DTL: variants seen among roughly 807,000 people sequenced by gnomAD.
DTL encodes denticleless protein homolog.
DTL carries 46 observed loss-of-function variants against 87.0 expected under a neutral mutation model. The observed-to-expected ratio is 0.53, with a 90% CI of 0.42 to 0.68. The LOEUF is 0.68. Among genes scored for constraint, DTL ranks in the 30% least tolerant of loss-of-function variants. The pLI, the probability that DTL is intolerant of heterozygous loss-of-function variation, is 0.00. For synonymous variants in DTL, 308 were observed against 311.2 expected (o/e 0.99, Z 0.11); for missense variants, 737 against 869.4 (o/e 0.85, Z 1.91).
chr1:212,099,274 G>A (rs947040685), intron 13 of DTL, among the ~76,000 whole-genome samples: 1 of 151,950 alleles, frequency 6.6e-6, no homozygotes, highest in Non-Finnish European at 1.5e-5. Flanking sequence ...TCGCTGTCAG[G>A]CAGGCTGGAG....
chr1:212,062,942 CA>C lies in DTL; in HGVS notation c.525del (p.Asp176MetfsTer7). 1.2e-6 allele frequency: 2 copies of C among 1,611,356 alleles called. No homozygotes were observed. Among genetic ancestry groups the C allele is most frequent in the Non-Finnish European group, 1.7e-6 (2 of 1,177,832 alleles). ...NIMVWDTRCN[K>X]KDGFYRQVNQ... ...TTATGGTCTGGGATACCAGGTGCAA[CA>C]AAAAAGGTTATCTAGATCTATTTTA... On this transcript the variant is annotated frameshift_variant, in exon 6 of 15. Coordinates refer to ENST00000366991, the MANE Select transcript of DTL (RefSeq NM_016448.4). LOFTEE classifies it high-confidence loss of function.
intron 12 of DTL, among the ~76,000 whole-genome samples, chr1:212,079,412 G>A (rs1291950718): frequency 6.6e-6 from 1 of 152,002 alleles, no homozygotes; most frequent in Non-Finnish European, 1.5e-5. Context: ...TAGCAGGGCT[G>A]TTTACCTATA....
chr1:212,071,141 A>G (rs1299977876), intron 10 of DTL, among the ~76,000 whole-genome samples: 6 of 152,194 alleles, frequency 3.9e-5, no homozygotes, highest in Non-Finnish European at 8.8e-5. Context: ...TTTTCCTTTA[A>G]AGCTATAAAT....
chr1:212,047,082 A>G, intron 3 of DTL, 69 bp from the exon 4 acceptor site: 1 of 1,425,768 alleles, frequency 7.0e-7, no homozygotes, highest in Non-Finnish European at 9.9e-7. Flanking sequence ...CAGGCATTTA[A>G]AGTTATATTA....
chr1:212,093,870 G>C (rs1655363699), intron 13 of DTL, among the ~76,000 whole-genome samples: 1 of 152,156 alleles, frequency 6.6e-6, no homozygotes, highest in South Asian at 2.1e-4. Flanking sequence ...TGGAGCCCTA[G>C]CCAGGGATCA....
Position 212,066,873 on chromosome 1 carries a change from G to T in DTL, c.701G>T (p.Gly234Val). The T allele has an allele frequency of 1.2e-6, 2 of 1,613,742 alleles. No homozygotes were observed. Among genetic ancestry groups the T allele is most frequent in the Non-Finnish European group, 1.7e-6 (2 of 1,179,740 alleles). Residue 234 changes from glycine (G) to valine (V), a missense_variant, in exon 8 of 15, where the codon GGA becomes GTA. Gly to Val is a moderately radical substitution (Grantham distance 109). Coordinates refer to ENST00000366991, the MANE Select transcript of DTL (RefSeq NM_016448.4). The stretch of plus-strand genomic sequence containing the variant: ...GACGAGAATACCTTAGTCTCAGCAG[G>T]AGCTGTGGATGGGTAAGAGTCTATT... ...FQDENTLVSA[G>V]AVDGIIKVWD... is the part of the protein sequence containing the mutation.
At chr1:212,101,428 A>T (rs1571989046) in intron 14 of DTL, among the ~76,000 whole-genome samples, 1 of 152,142 alleles carries the variant, frequency 6.6e-6, no homozygotes, top group Admixed American at 6.5e-5. Context: ...ATCATGCTCC[A>T]GGATATCAAT....
At chr1:212,090,579 G>A (rs768141845) in intron 13 of DTL, among the ~76,000 whole-genome samples, 17 of 152,294 alleles carry the variant, frequency 1.1e-4, no homozygotes, top group Middle Eastern at 3.4e-3. Flanking sequence ...GGTAGGGCCC[G>A]AGAGGGAAGA....
At chr1:212,091,827 G>A (rs1655291339) in intron 13 of DTL, among the ~76,000 whole-genome samples, 1 of 152,186 alleles carries the variant, frequency 6.6e-6, no homozygotes, top group Admixed American at 6.5e-5. Flanking sequence ...AATATATGAA[G>A]TGATGTTAGT....
At chr1:212,074,068 C>T (rs1208297088) in intron 11 of DTL, among the ~76,000 whole-genome samples, 1 of 150,802 alleles carries the variant, frequency 6.6e-6, no homozygotes, top group African/African-American at 2.4e-5. Context: ...ATTTTTTTTT[C>T]CAACATCACA....
chr1:212,101,160 G>GT (rs1655614833), intron 14 of DTL, 76 bp downstream of exon 14: 4 of 748,406 alleles, frequency 5.3e-6, no homozygotes, highest in South Asian at 3.0e-5. Flanking sequence ...AAGTCAGGAT[G>GT]CTTTTTTTTT....
chr1:212,076,869 T>C (rs1187407130), intron 11 of DTL, among the ~76,000 whole-genome samples: 1 of 152,204 alleles, frequency 6.6e-6, no homozygotes, highest in Non-Finnish European at 1.5e-5. Flanking sequence ...CCTGTAGATG[T>C]GGAAAAAGCT....
rs1668268658 is a variant in DTL, at chr1:212,059,311, A to C, written c.461-3573A>C. Among the ~76,000 whole-genome samples the C allele has an allele frequency of 2.0e-5, 3 of 152,144 alleles. No individual in the cohort carries two copies. The South Asian group carries it at 6.2e-4, about 32-fold the overall frequency. The stretch of plus-strand genomic sequence containing the variant: ...GAATTCAACAGCACATTAAAAAAAA[A>C]AAATACACCATGATCAAGTGGGATT... On this transcript the variant is annotated intron_variant, in intron 5 of 14. Transcript: ENST00000366991.
intron 13 of DTL, among the ~76,000 whole-genome samples, chr1:212,087,246 T>C (rs937551194): frequency 2.0e-5 from 3 of 152,176 alleles, no homozygotes; most frequent in Non-Finnish European, 4.4e-5. Context: ...CAGCACTGCC[T>C]TCTTTAGAAC....
intron 5 of DTL, among the ~76,000 whole-genome samples, chr1:212,055,612 G>T (rs1421836651): frequency 6.6e-6 from 1 of 152,154 alleles, no homozygotes; most frequent in African/African-American, 2.4e-5. Context: ...GCAGGGCAGA[G>T]GTGTAAGCAA....
At chr1:212,041,274 G>C (rs1284886743) in intron 1 of DTL, among the ~76,000 whole-genome samples, 1 of 152,120 alleles carries the variant, frequency 6.6e-6, no homozygotes, top group East Asian at 1.9e-4. Context: ...CAGTGAGGCA[G>C]AGTTAAAGAG....
chr1:212,078,447 A>G (rs1654899268), intron 12 of DTL, among the ~76,000 whole-genome samples, 185 bp downstream of exon 12: 1 of 152,104 alleles, frequency 6.6e-6, no homozygotes, highest in African/African-American at 2.4e-5. Flanking sequence ...CCCATACCAT[A>G]ATGGTATTAT....
chr1:212,052,988 A>G (rs1215720527), intron 5 of DTL, among the ~76,000 whole-genome samples: 5 of 152,160 alleles, frequency 3.3e-5, no homozygotes, highest in Non-Finnish European at 7.3e-5. Context: ...ACTTTCACCC[A>G]TTCCTTCCAA....
chr1:212,064,475 A>G (rs948952250), intron 6 of DTL, among the ~76,000 whole-genome samples: 3 of 152,214 alleles, frequency 2.0e-5, no homozygotes, highest in African/African-American at 7.2e-5. Context: ...CCATTGTAGC[A>G]TCATACACAA....
Sources: allele counts gnomAD v4.1 joint callset (sites outside exome capture counted in the v4.1 genomes callset), GRCh38; gene constraint gnomAD v4.1.1; transcripts MANE v1.5; gene names NCBI Gene and HGNC (gene_info 2026-07-23, HGNC 2026-07-21).